The following BICDL1 variants were observed in gnomAD, a reference collection of about 807,000 sequenced individuals.
BICDL1 encodes BICD family like cargo adaptor 1, also known as BICD family-like cargo adapter 1.
A neutral mutation model predicts 76.8 loss-of-function variants in BICDL1; 20 were observed. That is an observed-to-expected ratio of 0.26 (90% confidence interval 0.18 to 0.38). The LOEUF is 0.38. BICDL1 is among the 10% of genes least tolerant of loss of function. The probability of loss-of-function intolerance (pLI) is 1.00; values close to 1 mark genes in which losing one functional copy is unlikely to be tolerated. For missense variants in BICDL1, 700 were observed against 798.6 expected (o/e 0.88, Z 1.49); for synonymous variants, 383 against 337.1 (o/e 1.14, Z -1.49).
intron 2 of BICDL1, among the ~76,000 whole-genome samples, chr12:120,060,743 A>G (rs1403146756): frequency 6.6e-6 from 1 of 152,214 alleles, no homozygotes; most frequent in Non-Finnish European, 1.5e-5. Flanking sequence ...ACAATTGATT[A>G]TATAGTACTT....
intron 2 of BICDL1, among the ~76,000 whole-genome samples, chr12:120,021,629 G>GTGGCTCA (rs1196220015): frequency 2.7e-5 from 4 of 150,602 alleles, no homozygotes; most frequent in Non-Finnish European, 4.4e-5. Context: ...GCCAGGTGTG[G>GTGGCTCA]TGGCTCATGC....
chr12:120,071,874 T>A lies in BICDL1; in HGVS notation c.1089+73T>A. ...TAGGTCTCATCCTCCTCCCTAGTGCTCAGCTGCCATCCTGGCAAGGCTGTG... is the reference window on the plus strand; with the variant it reads ...TAGGTCTCATCCTCCTCCCTAGTGCACAGCTGCCATCCTGGCAAGGCTGTG... On this transcript the variant is annotated intron_variant, in intron 5 of 9. Coordinates refer to ENST00000548673, the MANE Select transcript of BICDL1 (RefSeq NM_001367886.1). The surrounding 1 kb of genome is among the most constrained non-coding windows in gnomAD (Gnocchi z 4.8). 2 of 1,445,594 alleles carry A rather than the reference T, an allele frequency of 1.4e-6. No homozygotes were observed. 89.5% of individuals were successfully genotyped at this position (1,445,594 alleles called of 1,614,324 possible). A position where few individuals can be genotyped will look rare whatever the true frequency, so the allele number is the denominator to read the frequency against.
intron 3 of BICDL1, 153 bp from the exon 4 acceptor site, chr12:120,064,580 G>A (rs747679685): frequency 3.0e-6 from 2 of 665,806 alleles, no homozygotes; most frequent in Non-Finnish European, 2.4e-6. Flanking sequence ...TCAGCTTAGG[G>A]TTTCATAGCT....
intron 2 of BICDL1, among the ~76,000 whole-genome samples, chr12:120,016,008 T>A (rs1027123840): frequency 6.6e-6 from 1 of 152,170 alleles, no homozygotes; most frequent in African/African-American, 2.4e-5. Context: ...TTTTAGAACA[T>A]TTCTGCTACC....
chr12:120,014,736 C>G (rs936047428), intron 2 of BICDL1, among the ~76,000 whole-genome samples: 3 of 150,970 alleles, frequency 2.0e-5, no homozygotes, highest in African/African-American at 4.9e-5. Flanking sequence ...TGGTGGCTTA[C>G]ACCTGTAATC....
At chr12:120,073,207 G>A (rs561512816) in intron 6 of BICDL1, among the ~76,000 whole-genome samples, 1 of 152,212 alleles carries the variant, frequency 6.6e-6, no homozygotes, top group Non-Finnish European at 1.5e-5. Flanking sequence ...AACTACTGCT[G>A]TGATGAGGCA....
At position 120,072,782 on chromosome 12, in the gene BICDL1, GGT is replaced by G; in HGVS notation, c.1308+54_1308+55del. Reference sequence around the variant, plus strand: ...ACCCCACAGGAGCTGGCTGGTGGGAGGTTAGAACCCAGTGCATAGGGTGAGGT... The same window carrying G: ...ACCCCACAGGAGCTGGCTGGTGGGAGTAGAACCCAGTGCATAGGGTGAGGT... On this transcript the variant is annotated intron_variant, in intron 6 of 9. Transcript: ENST00000548673. 6 of 1,514,938 alleles carry G rather than the reference GGT, an allele frequency of 4.0e-6. 1 individual carries two copies. In the South Asian group the frequency reaches 6.8e-5, roughly 17 times the overall value. 93.8% of individuals were successfully genotyped at this position (1,514,938 alleles called of 1,614,324 possible).
At chr12:120,081,653 G>A (rs1456262169) in intron 8 of BICDL1, among the ~76,000 whole-genome samples, 2 of 151,072 alleles carry the variant, frequency 1.3e-5, no homozygotes, top group Non-Finnish European at 3.0e-5. Context: ...CCGGCCTCCA[G>A]TTTTATCGTA....
At chr12:120,033,781 GTA>G (rs749039224) in intron 2 of BICDL1, among the ~76,000 whole-genome samples, 2 of 151,340 alleles carry the variant, frequency 1.3e-5, no homozygotes, top group East Asian at 1.9e-4. Context: ...ACTGGAGAGA[GTA>G]TATATATATA....
chr12:120,074,884 C>T lies in BICDL1; in HGVS notation c.1452+298C>T, dbSNP rs527557596. Among the ~76,000 whole-genome samples the T allele has an allele frequency of 2.2e-4, 34 of 152,308 alleles. No individual in the cohort carries two copies. The South Asian group carries it at 6.4e-3, about 29-fold the overall frequency. ...CTGACTGGTAGATGCTGACAGCCCT[C>T]GGGCTACTTATGGGTGCTTTTCCAG... is the stretch of plus-strand genomic sequence containing the variant. On this transcript the variant is annotated intron_variant, in intron 7 of 9. Transcript: ENST00000548673.
chr12:120,031,716 A>G (rs901646147), intron 2 of BICDL1, among the ~76,000 whole-genome samples: 1 of 152,180 alleles, frequency 6.6e-6, no homozygotes, highest in African/African-American at 2.4e-5. Flanking sequence ...AATCAAGACT[A>G]GAGTCTGCAC....
intron 2 of BICDL1, among the ~76,000 whole-genome samples, chr12:120,028,026 A>G (rs1402435477): frequency 6.6e-6 from 1 of 152,204 alleles, no homozygotes; most frequent in East Asian, 1.9e-4. Flanking sequence ...ACTCTGCATT[A>G]CCATACTGTT....
rs142207567 is a variant in BICDL1, at chr12:120,003,879, C to T, written c.645+5143C>T. ...TACAAAAAATTCTCGTCTCATGGGA[C>T]GATTGGCCATTATTTGGGTTTAGGT... On this transcript the variant is annotated intron_variant, in intron 2 of 9. Coordinates refer to ENST00000548673, the MANE Select transcript of BICDL1 (RefSeq NM_001367886.1). Among the ~76,000 whole-genome samples, 54 of 152,232 alleles carry T rather than the reference C, an allele frequency of 3.5e-4. 1 individual carries two copies. The East Asian group carries it at 8.3e-3, about 23-fold the overall frequency.
intron 2 of BICDL1, chr12:120,057,275 A>G (rs1463981941): frequency 2.7e-6 from 1 of 365,204 alleles, no homozygotes. Flanking sequence ...TTGGCCTCCC[A>G]ACGTGCTGGG....
At chr12:120,045,917 T>TACAATAATAATAATA (rs1555288138) in intron 2 of BICDL1, among the ~76,000 whole-genome samples, 5 of 137,634 alleles carry the variant, frequency 3.6e-5, no homozygotes, top group Non-Finnish European at 8.1e-5. Flanking sequence ...CTTAAAGTAT[T>TACAATAATAATAATA]ATAATAATAA....
At chr12:119,993,655 T>C (rs1234174362) in intron 1 of BICDL1, among the ~76,000 whole-genome samples, 2 of 151,734 alleles carry the variant, frequency 1.3e-5, no homozygotes, top group African/African-American at 4.8e-5. Flanking sequence ...CTTGCTCTGT[T>C]GCCCAGGCTG....
chr12:120,088,955 C>T (rs778437179), intron 8 of BICDL1, among the ~76,000 whole-genome samples: 17 of 152,230 alleles, frequency 1.1e-4, no homozygotes, highest in Non-Finnish European at 1.8e-4. Context: ...TGAGCCACCG[C>T]ACCCGGCCTA....
rs147860470 is a variant in BICDL1 at position 120,065,797 on chromosome 12, A to G, written c.909+918A>G. ...ACTGGGCTCATAGGTAGGCTGTTTGAAAGCCTTGGGGTATGGGATAAGGAA... is the reference window on the plus strand; with the variant it reads ...ACTGGGCTCATAGGTAGGCTGTTTGGAAGCCTTGGGGTATGGGATAAGGAA... On this transcript the variant is annotated intron_variant, in intron 4 of 9. Transcript: ENST00000548673. Among the ~76,000 whole-genome samples the G allele has an allele frequency of 8.1e-3, 1,230 of 152,346 alleles. 17 individuals carry two copies. The highest frequency in any genetic ancestry group is 0.027 in the African/African-American group (1,123 of 41,580).
chr12:120,093,170 G>A lies in BICDL1; in HGVS notation c.*9G>A, dbSNP rs564397049. 699 of 1,577,818 alleles carry A rather than the reference G, an allele frequency of 4.4e-4. 6 individuals are homozygous for A. The South Asian group carries it at 7.5e-3, about 17-fold the overall frequency. On this transcript the variant is annotated 3_prime_UTR_variant, in exon 10 of 10. Transcript: ENST00000548673. The stretch of plus-strand genomic sequence containing the variant: ...TCTTCAGGAAAATTTAAGTTGGGAG[G>A]AGTCAGGCCACCAAAGATGGGTGGA...
Sources: gnomAD v4.1 joint callset for allele counts (sites outside exome capture counted in the v4.1 genomes callset) on GRCh38, gnomAD v4.1.1 for gene constraint, Gnocchi (gnomAD v3.1) non-coding constraint, MANE v1.5 for transcripts, NCBI Gene and HGNC (gene_info 2026-07-23, HGNC 2026-07-21) for gene names.